The following MPPED2 variants were observed in gnomAD, a reference collection of about 807,000 sequenced individuals.
The protein encoded by MPPED2 is metallophosphoesterase MPPED2.
MPPED2 carries 5 observed loss-of-function variants against 33.0 expected under a neutral mutation model. The observed-to-expected ratio is 0.15, with a 90% CI of 0.08 to 0.32. The LOEUF (loss-of-function observed/expected upper bound fraction) is 0.32, where lower values mean the gene tolerates loss of function less well. MPPED2 is among the 10% of genes least tolerant of loss of function. MPPED2 has a pLI of 1.00. For missense variants in MPPED2, 275 were observed against 372.1 expected, an observed-to-expected ratio of 0.74 and a Z score of 2.15; for synonymous variants, 136 against 141.9, an observed-to-expected ratio of 0.96 and a Z score of 0.29.
At position 30,556,428 on chromosome 11, in the gene MPPED2, T is replaced by A. The variant is rs182015102; in HGVS notation, c.129-20253A>T. ...TCAGTGGAACTATCCCAAAAATATG[T>A]TTGTGGGTCTGGATTGCATTTACCT... On this transcript the variant is annotated intron_variant, in intron 2 of 6. Coordinates refer to ENST00000358117, the MANE Select transcript of MPPED2 (RefSeq NM_001584.3). 9.2e-4 allele frequency among the ~76,000 whole-genome samples: 140 copies of A among 152,350 alleles called. 1 individual carries two copies. Among genetic ancestry groups the A allele is most frequent in the Non-Finnish European group, 6.6e-4 (45 of 68,030 alleles).
intron 4 of MPPED2, among the ~76,000 whole-genome samples, chr11:30,437,647 C>T (rs1455253134): frequency 6.6e-6 from 1 of 152,160 alleles, no homozygotes; most frequent in South Asian, 2.1e-4. Context: ...GCACAACCTT[C>T]CCTCTTCATT....
At chr11:30,568,554 C>G (rs1956552414) in intron 2 of MPPED2, among the ~76,000 whole-genome samples, 1 of 152,138 alleles carries the variant, frequency 6.6e-6, no homozygotes, top group African/African-American at 2.4e-5. Context: ...CTAGACAGCT[C>G]ATTTTAATTC....
At chr11:30,549,601 A>G (rs970659939) in intron 2 of MPPED2, among the ~76,000 whole-genome samples, 1 of 152,180 alleles carries the variant, frequency 6.6e-6, no homozygotes, top group Non-Finnish European at 1.5e-5. Flanking sequence ...GATGGATAAG[A>G]TGGAAAAGAT....
At chr11:30,386,684 ATCAGATGAACTTCAGTAAC>A (rs887092898) in exon 7 of MPPED2, 41 of 398,492 alleles carry the variant, frequency 1.0e-4, no homozygotes, top group Non-Finnish European at 1.4e-4. Context: ...CAGAACTCAA[ATCAGATGAACTTCAGTAAC>A]TCTTGTCGCT....
At chr11:30,581,313 T>C (rs535045454) in intron 1 of MPPED2, among the ~76,000 whole-genome samples, 1 of 152,220 alleles carries the variant, frequency 6.6e-6, no homozygotes, top group Non-Finnish European at 1.5e-5. Flanking sequence ...ATTGGTTTCA[T>C]TTTTTAAAAT....
At chr11:30,434,492 G>A (rs771465579) in intron 4 of MPPED2, among the ~76,000 whole-genome samples, 54 of 152,282 alleles carry the variant, frequency 3.5e-4, no homozygotes, top group Admixed American at 2.3e-3. Flanking sequence ...GATCATCCTG[G>A]TTTATCATCC....
At chr11:30,437,564 T>C (rs1408473448) in intron 4 of MPPED2, among the ~76,000 whole-genome samples, 3 of 152,106 alleles carry the variant, frequency 2.0e-5, no homozygotes, top group Non-Finnish European at 2.9e-5. Context: ...GAGCTGGGGC[T>C]CTTCTGGATC....
intron 6 of MPPED2, among the ~76,000 whole-genome samples, chr11:30,391,497 C>T (rs1202828384): frequency 2.0e-5 from 3 of 152,038 alleles, no homozygotes; most frequent in African/African-American, 4.8e-5. Context: ...TGCTTGGGTT[C>T]GCATCCTGGC....
rs1014760590 is a variant in MPPED2 at position 30,410,618 on chromosome 11, C to A, written c.*850G>T. 11 of 985,678 alleles carry A rather than the reference C, an allele frequency of 1.1e-5. No homozygotes were observed. The African/African-American group carries it at 1.9e-4, about 17-fold the overall frequency. 61.1% of individuals were successfully genotyped at this position (985,678 alleles called of 1,614,324 possible). A position where few individuals can be genotyped will look rare whatever the true frequency, so the allele number is the denominator to read the frequency against. ...GAGAGAATGTGTCAGTTCCTTCCGA[C>A]TTCTGATGTGTTGCTATACAGCATC... On this transcript the variant is annotated 3_prime_UTR_variant, in exon 7 of 7. Coordinates refer to ENST00000358117, the MANE Select transcript of MPPED2 (RefSeq NM_001584.3).
intron 6 of MPPED2, among the ~76,000 whole-genome samples, chr11:30,392,744 GGA>G (rs1374077371): frequency 2.0e-5 from 3 of 152,160 alleles, no homozygotes; most frequent in Non-Finnish European, 4.4e-5. Flanking sequence ...TAGACAGATG[GGA>G]GAGAGTGTTC....
intron 6 of MPPED2, among the ~76,000 whole-genome samples, chr11:30,390,797 G>T (rs908142654): frequency 6.6e-6 from 1 of 152,168 alleles, no homozygotes; most frequent in African/African-American, 2.4e-5. Flanking sequence ...TGAGATGGCT[G>T]CCCCTCTCAC....
At chr11:30,486,448 T>C (rs901007182) in intron 4 of MPPED2, among the ~76,000 whole-genome samples, 1 of 152,234 alleles carries the variant, frequency 6.6e-6, no homozygotes, top group Admixed American at 6.5e-5. Flanking sequence ...TTGGTTTTAA[T>C]GTCCATAGGA....
At chr11:30,406,107 C>T (rs138181802), downstream of MPPED2, among the ~76,000 whole-genome samples, 228 of 152,172 alleles carry the variant, frequency 1.5e-3, no homozygotes, top group Non-Finnish European at 2.4e-3. Context: ...GAATTGGAAG[C>T]CTATTGGAAT....
At chr11:30,459,350 A>G (rs1204239344) in intron 4 of MPPED2, among the ~76,000 whole-genome samples, 1 of 152,156 alleles carries the variant, frequency 6.6e-6, no homozygotes, top group African/African-American at 2.4e-5. Flanking sequence ...TCCTAAAGTG[A>G]GACTTTGCTG....
At chr11:30,561,545 T>C (rs1278345294) in intron 2 of MPPED2, among the ~76,000 whole-genome samples, 1 of 152,146 alleles carries the variant, frequency 6.6e-6, no homozygotes, top group Non-Finnish European at 1.5e-5. Context: ...AATAAACCAA[T>C]GCCCAGCCAC....
chr11:30,482,711 T>C (rs555728649), intron 4 of MPPED2, among the ~76,000 whole-genome samples: 3 of 152,280 alleles, frequency 2.0e-5, no homozygotes, highest in African/African-American at 7.2e-5. Flanking sequence ...TAACCAATAA[T>C]CCACTGATTC....
At chr11:30,489,997 T>C (rs978210923) in intron 4 of MPPED2, among the ~76,000 whole-genome samples, 7 of 152,072 alleles carry the variant, frequency 4.6e-5, no homozygotes, top group Non-Finnish European at 7.4e-5. Context: ...AAATTGCTTG[T>C]GTTAAAAAGC....
chr11:30,434,806 T>C (rs992866961), intron 4 of MPPED2, among the ~76,000 whole-genome samples: 1 of 152,230 alleles, frequency 6.6e-6, no homozygotes, highest in Non-Finnish European at 1.5e-5. Context: ...CTGGGTACTT[T>C]CAATGCATTA....
intron 4 of MPPED2, among the ~76,000 whole-genome samples, chr11:30,423,768 T>C (rs1156859437): frequency 1.3e-5 from 2 of 152,206 alleles, no homozygotes; most frequent in South Asian, 2.1e-4. Flanking sequence ...AATTTACATA[T>C]GATATATATT....
Sources: allele counts gnomAD v4.1 joint callset (sites outside exome capture counted in the v4.1 genomes callset), GRCh38; gene constraint gnomAD v4.1.1; transcripts MANE v1.5; gene names NCBI Gene and HGNC (gene_info 2026-07-23, HGNC 2026-07-21).